FOXP1: variants seen among roughly 807,000 people sequenced by gnomAD.
The protein encoded by FOXP1 is forkhead box protein P1.
Under a neutral mutation model 98.2 loss-of-function variants are expected in FOXP1, and 15 were observed. The ratio of observed to expected loss-of-function variants is 0.15; its 90% CI spans 0.10 to 0.24. FOXP1 has a LOEUF of 0.24. Ranked by LOEUF, FOXP1 falls within the 10% of genes least tolerant of loss-of-function variation. The pLI is 1.00. For missense variants in FOXP1, 633 were observed against 848.5 expected (o/e 0.75, Z 3.15); for synonymous variants, 371 against 314.5 (o/e 1.18, Z -1.90).
intron 7 of FOXP1, among the ~76,000 whole-genome samples, chr3:71,066,017 C>G (rs762615450): frequency 6.8e-6 from 1 of 146,808 alleles, no homozygotes; most frequent in Non-Finnish European, 1.5e-5. Context: ...AATCCCCACA[C>G]ACATTTTTAT....
At chr3:70,963,142 C>G (rs547917750) in intron 20 of FOXP1, among the ~76,000 whole-genome samples, 7 of 152,310 alleles carry the variant, frequency 4.6e-5, no homozygotes, top group African/African-American at 1.7e-4. Context: ...TTACTATCCA[C>G]AAGACAGAGG....
Position 71,421,226 on chromosome 3 carries a change from A to T in FOXP1, c.-167-61982T>A, listed in dbSNP as rs111876796. Among the ~76,000 whole-genome samples, 527 of 152,326 alleles carry T rather than the reference A, an allele frequency of 3.5e-3. 4 individuals are homozygous for T. The highest frequency in any genetic ancestry group is 0.012 in the African/African-American group (509 of 41,562). On this transcript the variant is annotated intron_variant, in intron 3 of 20. Coordinates refer to ENST00000649528, the MANE Select transcript of FOXP1 (RefSeq NM_001349338.3). ...AAACCAAGTAAGAATGCGCAAAGCA[A>T]GAAAGAAACTACAGGGGAAAGTGAA...
At chr3:71,280,672 T>C (rs1346480556) in intron 5 of FOXP1, among the ~76,000 whole-genome samples, 1 of 151,976 alleles carries the variant, frequency 6.6e-6, no homozygotes, top group East Asian at 1.9e-4. Flanking sequence ...TTACCCACAT[T>C]TCATCTTCTC....
At chr3:71,229,391 ACCT>A (rs1327973795) in intron 5 of FOXP1, among the ~76,000 whole-genome samples, 4 of 152,158 alleles carry the variant, frequency 2.6e-5, no homozygotes, top group African/African-American at 9.7e-5. Flanking sequence ...CCTGTTCCTG[ACCT>A]CATTATAAAA....
At chr3:71,262,055 C>T (rs1244728236) in intron 5 of FOXP1, among the ~76,000 whole-genome samples, 1 of 151,768 alleles carries the variant, frequency 6.6e-6, no homozygotes, top group Non-Finnish European at 1.5e-5. Context: ...ATCACGAGGT[C>T]AGGAGTTCAA....
Position 71,038,596 on chromosome 3 carries a change from G to C in FOXP1, c.869+2732C>G, listed in dbSNP as rs557384946. Among the ~76,000 whole-genome samples the C allele has an allele frequency of 2.6e-5, 4 of 151,924 alleles. No homozygotes were observed. The East Asian group carries it at 7.7e-4, about 29-fold the overall frequency. ...GTGATTTTTAAATTAAGCCTAATAAGGTAATGCTACATAATATGCATTTGA... is the reference window on the plus strand; with the variant it reads ...GTGATTTTTAAATTAAGCCTAATAACGTAATGCTACATAATATGCATTTGA... On this transcript the variant is annotated intron_variant, in intron 11 of 20. Coordinates refer to ENST00000649528, the MANE Select transcript of FOXP1 (RefSeq NM_001349338.3).
chr3:71,081,345 A>T (rs2054392904), intron 7 of FOXP1, among the ~76,000 whole-genome samples: 1 of 152,214 alleles, frequency 6.6e-6, no homozygotes, highest in Admixed American at 6.5e-5. Flanking sequence ...TAAGAAAAAG[A>T]CACAGAATCA....
At chr3:71,267,348 T>C (rs183605239) in intron 5 of FOXP1, among the ~76,000 whole-genome samples, 315 of 152,220 alleles carry the variant, frequency 2.1e-3, no homozygotes, top group Non-Finnish European at 3.3e-3. Flanking sequence ...AAGTATACAG[T>C]AGATCCAGAT....
chr3:71,005,494 G>T (rs2042693132), intron 12 of FOXP1, among the ~76,000 whole-genome samples: 1 of 151,742 alleles, frequency 6.6e-6, no homozygotes, highest in African/African-American at 2.4e-5. Context: ...TAAATCTGAG[G>T]ATTAATATAT....
At chr3:71,163,333 A>G (rs2061236346) in intron 6 of FOXP1, among the ~76,000 whole-genome samples, 1 of 152,212 alleles carries the variant, frequency 6.6e-6, no homozygotes, top group Non-Finnish European at 1.5e-5. Context: ...CCTTCAAGGG[A>G]ACTTAGAGAG....
chr3:71,565,695 G>A (rs1003955726), intron 2 of FOXP1, among the ~76,000 whole-genome samples: 11 of 152,270 alleles, frequency 7.2e-5, no homozygotes, highest in African/African-American at 2.4e-4. Context: ...TTTGATCCTG[G>A]GCGGCCATCT....
At chr3:70,971,490 A>C (rs2036231404) in intron 18 of FOXP1, 1 of 153,900 alleles carries the variant, frequency 6.5e-6, no homozygotes, top group African/African-American at 2.4e-5. Context: ...TACATAGGGC[A>C]TACTGAGGGA....
chr3:71,314,698 G>A (rs1304195902), intron 4 of FOXP1, among the ~76,000 whole-genome samples: 2 of 151,908 alleles, frequency 1.3e-5, no homozygotes, highest in East Asian at 3.9e-4. Flanking sequence ...GTATAAGATT[G>A]GGGTCTCACC....
intron 3 of FOXP1, among the ~76,000 whole-genome samples, chr3:71,432,862 A>T (rs1427840716): frequency 6.6e-6 from 1 of 151,420 alleles, no homozygotes; most frequent in Non-Finnish European, 1.5e-5. Flanking sequence ...AAAAAAAAAA[A>T]AAAATTAAAA....
intron 3 of FOXP1, among the ~76,000 whole-genome samples, chr3:71,425,932 A>G (rs999527744): frequency 5.9e-5 from 9 of 152,104 alleles, no homozygotes; most frequent in South Asian, 2.1e-4. Flanking sequence ...AACCACATCA[A>G]TCAATAGTGT....
chr3:71,322,256 A>G (rs1412046592), intron 4 of FOXP1, among the ~76,000 whole-genome samples: 3 of 152,252 alleles, frequency 2.0e-5, no homozygotes, highest in Non-Finnish European at 4.4e-5. Context: ...AACAGTAGTC[A>G]TTAGCCACAT....
intron 5 of FOXP1, among the ~76,000 whole-genome samples, chr3:71,267,146 T>C (rs555738620): frequency 6.6e-6 from 1 of 152,242 alleles, no homozygotes; most frequent in East Asian, 1.9e-4. Context: ...TGTGTGTGTG[T>C]GTGTGTGTGT....
At chr3:71,002,394 A>G (rs536397092) in intron 12 of FOXP1, among the ~76,000 whole-genome samples, 4 of 152,320 alleles carry the variant, frequency 2.6e-5, no homozygotes, top group African/African-American at 9.6e-5. Context: ...ATGCACCTTC[A>G]AGGTATTACC....
chr3:71,189,201 C>T (rs1210900689), intron 6 of FOXP1, among the ~76,000 whole-genome samples: 1 of 152,152 alleles, frequency 6.6e-6, no homozygotes, highest in African/African-American at 2.4e-5. Context: ...TACGCTCCCC[C>T]ACCACCTTAA....
Sources: allele counts gnomAD v4.1 joint callset (sites outside exome capture counted in the v4.1 genomes callset), GRCh38; gene constraint gnomAD v4.1.1; transcripts MANE v1.5; gene names NCBI Gene and HGNC (gene_info 2026-07-23, HGNC 2026-07-21).